FAAH2: variants seen among roughly 807,000 people sequenced by gnomAD.
FAAH2 encodes the protein fatty-acid amide hydrolase 2.
In FAAH2, 60 loss-of-function variants were observed where a neutral mutation model predicts 36.9. That is an observed-to-expected ratio of 1.63 (90% CI 1.32 to 2.02). The LOEUF (loss-of-function observed/expected upper bound fraction) is 2.02, where lower values mean the gene tolerates loss of function less well. Among genes scored for constraint, FAAH2 ranks in the 30% most tolerant of loss-of-function variants. FAAH2 has a pLI of 0.00. For synonymous variants in FAAH2, 214 were observed against 143.8 expected, an observed-to-expected ratio of 1.49 and a Z score of -3.49; for missense variants, 689 against 397.5, an observed-to-expected ratio of 1.73 and a Z score of -6.23.
chrX:57,414,680 G>C (rs1451745005), intron 7 of FAAH2, among the ~76,000 whole-genome samples: 4 of 110,762 alleles, frequency 3.6e-5, no homozygotes, highest in Admixed American at 1.9e-4. Flanking sequence ...AAATTTTCTT[G>C]TTTTGTTGTC....
chrX:57,352,020 G>GTGTGTATA (rs200784566), intron 5 of FAAH2, among the ~76,000 whole-genome samples: 1 of 7,765 alleles, frequency 1.3e-4, no homozygotes, highest in Non-Finnish European at 1.9e-3. Context: ...ATGTGTGTGT[G>GTGTGTATA]TATATATATA....
intron 10 of FAAH2, among the ~76,000 whole-genome samples, chrX:57,484,808 G>A (rs962013293): frequency 9.0e-6 from 1 of 111,054 alleles, no homozygotes; most frequent in Admixed American, 9.6e-5. Context: ...GGGCTAGGTA[G>A]CTCACCAGTC....
the FAAH2 span, among the ~76,000 whole-genome samples, chrX:57,257,058 G>A: frequency 8.9e-6 from 1 of 112,097 alleles, no homozygotes; most frequent in African/African-American, 3.2e-5. Flanking sequence ...TGCTGGAGAG[G>A]TGTGGAAAAA....
chrX:57,417,099 T>A (rs2055865402), intron 7 of FAAH2, among the ~76,000 whole-genome samples: 1 of 112,227 alleles, frequency 8.9e-6, no homozygotes. Flanking sequence ...TGTTCTTCTC[T>A]AACCTGGTTA....
At chrX:57,195,952 G>T in the FAAH2 span, among the ~76,000 whole-genome samples, 182 of 111,905 alleles carry the variant, frequency 1.6e-3, 2 homozygotes, top group African/African-American at 5.3e-3. Flanking sequence ...CTGGTCCATT[G>T]GTCTATGTGC....
chrX:57,459,754 G>T (rs907623849), intron 10 of FAAH2, among the ~76,000 whole-genome samples: 1 of 112,073 alleles, frequency 8.9e-6, no homozygotes, highest in African/African-American at 3.2e-5. Context: ...CGGAAGAGGG[G>T]CCTGTCTGCT....
At chrX:57,326,463 T>C (rs1414415317) in intron 3 of FAAH2, among the ~76,000 whole-genome samples, 4 of 113,524 alleles carry the variant, frequency 3.5e-5, no homozygotes, top group Non-Finnish European at 5.6e-5. Flanking sequence ...ATTATTATTG[T>C]GTGGGAGTCT....
intron 5 of FAAH2, among the ~76,000 whole-genome samples, chrX:57,353,199 T>C (rs994064247): frequency 1.8e-5 from 2 of 109,934 alleles, no homozygotes; most frequent in Non-Finnish European, 3.8e-5. Flanking sequence ...TTCGGTAATA[T>C]TATGAGGCGA....
chrX:57,186,829 C>T, the FAAH2 span, among the ~76,000 whole-genome samples: 12 of 111,798 alleles, frequency 1.1e-4, no homozygotes, highest in African/African-American at 3.6e-4. Flanking sequence ...AATCCTTTCC[C>T]CATTGCTTGT....
At chrX:57,145,716 C>G in the FAAH2 span, among the ~76,000 whole-genome samples, 1 of 112,022 alleles carries the variant, frequency 8.9e-6, no homozygotes, top group African/African-American at 3.2e-5. Flanking sequence ...CCTTGATACA[C>G]CTTGACTTGA....
intron 6 of FAAH2, among the ~76,000 whole-genome samples, chrX:57,380,595 C>T (rs1272300973): frequency 1.8e-5 from 2 of 111,505 alleles, no homozygotes; most frequent in Non-Finnish European, 3.8e-5. Context: ...TGATTTCTTA[C>T]ATCTTTACAT....
At chrX:57,250,086 A>G in the FAAH2 span, among the ~76,000 whole-genome samples, 1 of 112,339 alleles carries the variant, frequency 8.9e-6, no homozygotes, top group Non-Finnish European at 1.9e-5. Context: ...TTTAGATGGC[A>G]TTTAAAAATT....
At chrX:57,278,808 A>G in the FAAH2 span, among the ~76,000 whole-genome samples, 2 of 112,181 alleles carry the variant, frequency 1.8e-5, no homozygotes, top group Non-Finnish European at 3.8e-5. Flanking sequence ...AAGAACAGAT[A>G]CTTCTCAAAA....
At chrX:57,155,522 A>G in the FAAH2 span, among the ~76,000 whole-genome samples, 1 of 112,077 alleles carries the variant, frequency 8.9e-6, no homozygotes, top group Non-Finnish European at 1.9e-5. Flanking sequence ...CCCCAATAGC[A>G]CTGAGTTTGT....
intron 2 of FAAH2, among the ~76,000 whole-genome samples, chrX:57,300,787 A>G (rs1219420999): frequency 8.9e-6 from 1 of 112,125 alleles, no homozygotes; most frequent in African/African-American, 3.2e-5. Context: ...AACCCCATCA[A>G]AAAGTGGGCA....
the FAAH2 span, among the ~76,000 whole-genome samples, chrX:57,217,644 C>T: frequency 1.8e-5 from 2 of 112,035 alleles, no homozygotes; most frequent in Non-Finnish European, 3.8e-5. Context: ...GTCTATGTGC[C>T]TATTTTTATA....
intron 10 of FAAH2, among the ~76,000 whole-genome samples, chrX:57,482,709 ATTTTTT>A (rs368783162): frequency 9.4e-5 from 6 of 63,894 alleles, no homozygotes; most frequent in Admixed American, 4.4e-4. Flanking sequence ...CATTCCCTCA[ATTTTTT>A]TTTTTTTTTT....
intron 7 of FAAH2, among the ~76,000 whole-genome samples, chrX:57,425,591 A>G (rs1320280826): frequency 8.9e-6 from 1 of 111,788 alleles, no homozygotes; most frequent in Non-Finnish European, 1.9e-5. Flanking sequence ...AAACACTTTT[A>G]AATACGAATT....
chrX:57,382,469 C>A (rs1003103424), intron 7 of FAAH2, among the ~76,000 whole-genome samples: 1 of 111,270 alleles, frequency 9.0e-6, no homozygotes, highest in African/African-American at 3.3e-5. Flanking sequence ...ATCAAATAGA[C>A]GCAATAAAAA....
Sources: allele counts gnomAD v4.1 joint callset (sites outside exome capture counted in the v4.1 genomes callset), GRCh38; gene constraint gnomAD v4.1.1; transcripts MANE v1.5; gene names NCBI Gene and HGNC (gene_info 2026-07-23, HGNC 2026-07-21).